LRRC37A2: variants seen among roughly 807,000 people sequenced by gnomAD.
The protein encoded by LRRC37A2 is leucine-rich repeat-containing protein 37A2.
In LRRC37A2, 9 loss-of-function variants were observed where a neutral mutation model predicts 68.8. The ratio of observed to expected loss-of-function variants is 0.13; its 90% CI spans 0.08 to 0.23. The LOEUF is 0.23. Among genes scored for constraint, LRRC37A2 ranks in the 10% least tolerant of loss-of-function variants. LRRC37A2 has a pLI of 1.00. For synonymous variants in LRRC37A2, 63 were observed against 367.6 expected (o/e 0.17, Z 9.48); for missense variants, 168 against 950.4 (o/e 0.18, Z 10.82).
At chr17:46,722,030 G>T in the LRRC37A2 span, 2 of 1,607,496 alleles carry the variant, frequency 1.2e-6, no homozygotes, top group Non-Finnish European at 1.7e-6. Context: ...CTTGGCTGCC[G>T]TAATATTCAG....
At chr17:46,632,983 CT>C in the LRRC37A2 span, among the ~76,000 whole-genome samples, 1 of 142,288 alleles carries the variant, frequency 7.0e-6, no homozygotes, top group East Asian at 1.9e-4. Flanking sequence ...GGCCATCCAT[CT>C]TTTTTTGAGA....
chr17:46,888,495 G>T, the LRRC37A2 span, among the ~76,000 whole-genome samples: 12 of 152,132 alleles, frequency 7.9e-5, no homozygotes, highest in African/African-American at 2.7e-4. Context: ...CCTCTGAAAG[G>T]CCTTGGTGAC....
At chr17:46,923,507 A>C in the LRRC37A2 span, 1 of 1,382,922 alleles carries the variant, frequency 7.2e-7, no homozygotes, top group Non-Finnish European at 9.3e-7. Flanking sequence ...TGGCACCTGC[A>C]GGTTATAAAA....
At chr17:46,448,627 CTT>C in the LRRC37A2 span, among the ~76,000 whole-genome samples, 1 of 142,132 alleles carries the variant, frequency 7.0e-6, no homozygotes, top group Non-Finnish European at 1.5e-5. Flanking sequence ...GATTTTAAAA[CTT>C]TTTTTTTAAT....
chr17:46,790,648 T>C, the LRRC37A2 span, among the ~76,000 whole-genome samples: 1 of 152,180 alleles, frequency 6.6e-6, no homozygotes, highest in African/African-American at 2.4e-5. Flanking sequence ...CCTCTGGTCT[T>C]GTCCACTTCC....
At chr17:46,864,241 C>G in the LRRC37A2 span, among the ~76,000 whole-genome samples, 1 of 152,162 alleles carries the variant, frequency 6.6e-6, no homozygotes, top group Admixed American at 6.5e-5. Context: ...CACCCAGTAC[C>G]CTGGTTGGGT....
the LRRC37A2 span, among the ~76,000 whole-genome samples, chr17:46,765,725 G>A: frequency 6.6e-6 from 1 of 152,242 alleles, no homozygotes; most frequent in Non-Finnish European, 1.5e-5. Flanking sequence ...GGCTCTGGGA[G>A]GTCAGCTCTG....
the LRRC37A2 span, among the ~76,000 whole-genome samples, chr17:46,915,346 G>A: frequency 1.1e-4 from 17 of 152,312 alleles, no homozygotes; most frequent in African/African-American, 4.1e-4. Context: ...CTTCCATGAT[G>A]GCTGGGGCTC....
chr17:46,936,538 C>T, the LRRC37A2 span: 6 of 985,544 alleles, frequency 6.1e-6, no homozygotes, highest in African/African-American at 3.5e-5. Flanking sequence ...CTGCCTCCGT[C>T]GGGATTTTCC....
the LRRC37A2 span, among the ~76,000 whole-genome samples, chr17:46,765,182 G>T: frequency 6.6e-6 from 1 of 152,200 alleles, no homozygotes; most frequent in Non-Finnish European, 1.5e-5. Context: ...TCTTCTAGGG[G>T]GCTGACAAGG....
chr17:46,894,670 G>T, the LRRC37A2 span, among the ~76,000 whole-genome samples: 1 of 152,180 alleles, frequency 6.6e-6, no homozygotes, highest in African/African-American at 2.4e-5. Context: ...CCAGGTCTCC[G>T]TGGGGCCGCC....
chr17:46,949,545 C>T, the LRRC37A2 span, among the ~76,000 whole-genome samples: 50,330 of 152,032 alleles, frequency 0.33, 9,136 homozygotes, highest in South Asian at 0.49. Flanking sequence ...GGAATTGACA[C>T]GGTGGGTGGC....
the LRRC37A2 span, among the ~76,000 whole-genome samples, chr17:46,858,682 G>A: frequency 1.4e-4 from 21 of 152,118 alleles, no homozygotes; most frequent in African/African-American, 4.8e-4. Flanking sequence ...CCAGAACCAT[G>A]TAGGATGGGT....
the LRRC37A2 span, chr17:46,876,806 C>T: frequency 6.9e-7 from 1 of 1,450,956 alleles, no homozygotes; most frequent in Non-Finnish European, 9.1e-7. Flanking sequence ...GGCAGACTGT[C>T]ATCACATGCA....
the LRRC37A2 span, among the ~76,000 whole-genome samples, chr17:46,822,474 G>T: frequency 6.6e-6 from 1 of 152,242 alleles, no homozygotes; most frequent in Non-Finnish European, 1.5e-5. Context: ...GCACGCGGAG[G>T]TCGGCTCAGA....
At chr17:46,721,086 C>T in the LRRC37A2 span, among the ~76,000 whole-genome samples, 2 of 152,210 alleles carry the variant, frequency 1.3e-5, no homozygotes, top group African/African-American at 4.8e-5. Context: ...AGACCTGCCC[C>T]TAATCCCTGC....
the LRRC37A2 span, among the ~76,000 whole-genome samples, chr17:46,984,880 A>G: frequency 2.0e-5 from 3 of 152,330 alleles, no homozygotes; most frequent in African/African-American, 4.8e-5. Flanking sequence ...CTTCAGAAAC[A>G]AGTAAATAGA....
chr17:46,721,817 G>A, the LRRC37A2 span: 9 of 1,598,346 alleles, frequency 5.6e-6, no homozygotes, highest in South Asian at 9.9e-5. Context: ...ACGGCTCCTG[G>A]GACACTTTTG....
the LRRC37A2 span, chr17:46,770,185 G>C: frequency 5.7e-6 from 7 of 1,229,718 alleles, no homozygotes; most frequent in Non-Finnish European, 7.7e-6. Flanking sequence ...AGGCAAGAGG[G>C]AGGCAGCTTC....
Sources: allele counts gnomAD v4.1 joint callset (sites outside exome capture counted in the v4.1 genomes callset), GRCh38; gene constraint gnomAD v4.1.1; transcripts MANE v1.5; gene names NCBI Gene and HGNC (gene_info 2026-07-23, HGNC 2026-07-21).